The following KNL1 variants were observed in gnomAD, a reference collection of about 807,000 sequenced individuals.
KNL1 encodes the protein kinetochore scaffold 1.
In KNL1, 66 loss-of-function variants were observed where a neutral mutation model predicts 201.3. The observed-to-expected ratio is 0.33, with a 90% confidence interval of 0.27 to 0.40. The LOEUF (loss-of-function observed/expected upper bound fraction) is 0.40. Ranked by LOEUF, KNL1 falls within the 10% of genes least tolerant of loss-of-function variation. The probability of loss-of-function intolerance (pLI) is 1.00; values close to 1 mark genes in which losing one functional copy is unlikely to be tolerated. For missense variants in KNL1, 2,815 were observed against 2,690.5 expected, an observed-to-expected ratio of 1.05 and a Z score of -1.02; for synonymous variants, 895 against 899.2, an observed-to-expected ratio of 1.00 and a Z score of 0.08.
chr15:40,657,111 C>T lies in KNL1; in HGVS notation c.6554C>T (p.Ser2185Phe). 6.2e-7 allele frequency: 1 copy of T among 1,609,778 alleles called. No individual in the cohort carries two copies. The highest frequency in any genetic ancestry group is 8.5e-7 in the Non-Finnish European group (1 of 1,177,812). The stretch of plus-strand genomic sequence containing the variant: ...TTCCAGTACGTTGAAGAAAAGGAAT[C>T]CTGGAAGAAGACATGTACAACCCAG... ...LIFQYVEEKE[S>F]WKKTCTTQHQ... is the part of the protein sequence containing the mutation. Residue 2185 changes from serine (S) to phenylalanine (F), a missense_variant, in exon 23 of 26, where the codon TCC becomes TTC. This residue lies in a region of KNL1 where 334 missense variants were observed against 362.6 expected (regional missense o/e 0.92). Coordinates refer to ENST00000399668, the MANE Select transcript of KNL1 (RefSeq NM_144508.5).
At position 40,624,635 on chromosome 15, in the gene KNL1, G is replaced by A. The variant is rs1391918927; in HGVS notation, c.4371G>A (p.Gln1457=). 3 of 1,613,780 alleles carry A rather than the reference G, an allele frequency of 1.9e-6. No homozygotes were observed. Among genetic ancestry groups the A allele is most frequent in the Non-Finnish European group, 2.5e-6 (3 of 1,179,884 alleles). The change falls in exon 10 of 26, where the codon CAG becomes CAA. Residue 1457 remains glutamine, a synonymous_variant. Coordinates refer to ENST00000399668, the MANE Select transcript of KNL1 (RefSeq NM_144508.5). ...TDQPPLPKKG[Q]SSINKEEVIL... is the part of the protein sequence containing the mutation. Reference sequence around the variant, plus strand: ...AACCTCCATTACCTAAAAAAGGACAGAGTAGTATCAATAAAGAAGAAGTAA... The same window carrying A: ...AACCTCCATTACCTAAAAAAGGACAAAGTAGTATCAATAAAGAAGAAGTAA...
chr15:40,598,902 C>G (rs1891697136), intron 1 of KNL1, among the ~76,000 whole-genome samples: 1 of 151,990 alleles, frequency 6.6e-6, no homozygotes, highest in Admixed American at 6.6e-5. Flanking sequence ...CTTCCAGGCT[C>G]AAGCTATCCT....
In KNL1 at chr15:40,664,145, T is replaced by C. The variant is rs2141776108; in HGVS notation, c.*1957T>C. The C allele has an allele frequency of 5.4e-6, 1 of 183,512 alleles. No individual in the cohort carries two copies. The highest frequency in any genetic ancestry group is 2.0e-4 in the South Asian group (1 of 5,074). 11.4% of individuals were successfully genotyped at this position (183,512 alleles called of 1,614,324 possible). ...ATTTTAGTAACCTGCAACAACCAAC[T>C]CTAAAAAAGATTTGGCTTGTAATGA... On this transcript the variant is annotated 3_prime_UTR_variant, in exon 26 of 26. Coordinates refer to ENST00000399668, the MANE Select transcript of KNL1 (RefSeq NM_144508.5).
At chr15:40,660,630 A>C (rs1467182577) in intron 25 of KNL1, among the ~76,000 whole-genome samples, 6 of 135,518 alleles carry the variant, frequency 4.4e-5, no homozygotes, top group Admixed American at 3.4e-4. Flanking sequence ...GCACCACTGC[A>C]CTCCAGACTG....
rs777088535 is a variant in KNL1 at position 40,624,523 on chromosome 15, G to A, written c.4259G>A (p.Arg1420Gln). Residue 1420 changes from arginine to glutamine, a missense_variant, in exon 10 of 26, where the codon CGA becomes CAA. Physicochemically the swap from Arg to Gln is conservative, Grantham distance 43. This residue lies in a region of KNL1 where 2,464 missense variants were observed against 2,291.7 expected (regional missense o/e 1.08). Transcript: ENST00000399668. Reference sequence around the variant, plus strand: ...GAGATGACTAAACTTAATTCAAAGCGAGTATCTTTTAAGCTTCCAAAGGAT... The same window carrying A: ...GAGATGACTAAACTTAATTCAAAGCAAGTATCTTTTAAGCTTCCAAAGGAT... ...LGEMTKLNSK[R>Q]VSFKLPKDQM... The A allele has an allele frequency of 1.9e-6, 3 of 1,613,576 alleles. No individual in the cohort carries two copies. The highest frequency in any genetic ancestry group is 4.5e-5 in the East Asian group (2 of 44,880).
intron 24 of KNL1, 43 bp from the exon 25 acceptor site, chr15:40,659,296 T>C (rs768542791): frequency 1.3e-6 from 2 of 1,502,680 alleles, no homozygotes; most frequent in Non-Finnish European, 1.8e-6. Context: ...TGTTTCATGC[T>C]ATTATTTGTT....
intron 13 of KNL1, among the ~76,000 whole-genome samples, chr15:40,640,098 C>CTTTTTTTTTTTTTTTTTTTTT (rs544723388): frequency 8.0e-6 from 1 of 124,506 alleles, no homozygotes. Context: ...TTTTTCTTTT[C>CTTTTTTTTTTTTTTTTTTTTT]TTTTTTTTTT....
chr15:40,594,790 T>C lies in KNL1; in HGVS notation c.-18+398T>C, dbSNP rs547555787. 2.8e-3 allele frequency among the ~76,000 whole-genome samples: 420 copies of C among 152,362 alleles called. 2 individuals are homozygous for C. The highest frequency in any genetic ancestry group is 9.5e-3 in the African/African-American group (397 of 41,584). ...CTGTTTGTATTTCTCACTTAAGCTT[T>C]TTTTGGCTCTAAATGAAGTGACAGC... is the stretch of plus-strand genomic sequence containing the variant. On this transcript the variant is annotated intron_variant, in intron 1 of 25. Transcript: ENST00000399668.
intron 22 of KNL1, among the ~76,000 whole-genome samples, chr15:40,655,954 TGATTAATAGTAGC>T (rs1893718024): frequency 6.6e-6 from 1 of 151,656 alleles, no homozygotes; most frequent in Non-Finnish European, 1.5e-5. Context: ...TCTTGAGCAA[TGATTAATAGTAGC>T]TATTTTCATA....
rs74970544 is a variant in KNL1 at position 40,647,014 on chromosome 15, A to G, written c.6034A>G (p.Ile2012Val). The G allele has an allele frequency of 6.8e-4, 1,020 of 1,507,072 alleles. 5 individuals carry two copies. The African/African-American group carries it at 0.013, about 19-fold the overall frequency. The allele number at this position is 1,507,072 out of a possible 1,614,324, so 93.4% of individuals were successfully genotyped here. Residue 2012 changes from isoleucine (I) to valine (V), a missense_variant, in exon 17 of 26, where the codon ATA (isoleucine) becomes GTA (valine). Coordinates refer to ENST00000399668, the MANE Select transcript of KNL1 (RefSeq NM_144508.5). The part of the protein sequence containing the change: ...QNEREKLQIK[I>V]DEMDKILKKI... ...TGAGAGGGAGAAACTTCAAATAAAG[A>G]TAGATGAGATGGATAAAATACTTAA...
chr15:40,612,362 T>A (rs1247511854), intron 7 of KNL1, among the ~76,000 whole-genome samples: 1 of 148,834 alleles, frequency 6.7e-6, no homozygotes, highest in East Asian at 2.0e-4. Context: ...ATGGTGGCAC[T>A]GTGCCTGTAA....
chr15:40,597,510 A>C (rs917473003), intron 1 of KNL1, among the ~76,000 whole-genome samples: 1 of 152,146 alleles, frequency 6.6e-6, no homozygotes, highest in Non-Finnish European at 1.5e-5. Context: ...CCTGGCCTCA[A>C]GTGATCCACC....
chr15:40,662,431 C>T lies in KNL1; in HGVS notation c.*243C>T, dbSNP rs1893938588. 2.7e-6 allele frequency: 1 copy of T among 366,730 alleles called. No individual in the cohort carries two copies. The highest frequency in any genetic ancestry group is 2.1e-5 in the African/African-American group (1 of 48,114). The allele number at this position is 366,730 out of a possible 1,614,324, so 22.7% of individuals were successfully genotyped here. On this transcript the variant is annotated 3_prime_UTR_variant, in exon 26 of 26. Transcript: ENST00000399668. ...TGTACCAAAGGTTTAAGTAATAGGA[C>T]ACTTAGGAAAAATGTCTCCTAACTA...
At chr15:40,629,404 C>T (rs766587346) in intron 13 of KNL1, 33 bp downstream of exon 13, 1 of 1,222,792 alleles carries the variant, frequency 8.2e-7, no homozygotes, top group Admixed American at 2.5e-5. Context: ...ATGTTTGCAT[C>T]AAAGCAAACA....
In KNL1 at chr15:40,605,167, G is replaced by A. The variant is rs142090052; in HGVS notation, c.75+18G>A. 3.0e-5 allele frequency: 41 copies of A among 1,347,580 alleles called. No individual in the cohort carries two copies. The Middle Eastern group carries it at 5.4e-4, about 18-fold the overall frequency. The allele number at this position is 1,347,580 out of a possible 1,614,324, so 83.5% of individuals were successfully genotyped here. ...ATTCTTCAGTAAGAAAGACTTTCTT[G>A]AATTAATAATTGTCAGCTTTTATTT... On this transcript the variant is annotated intron_variant, in intron 3 of 25. Transcript: ENST00000399668.
At chr15:40,647,131 C>G in intron 17 of KNL1, 57 bp downstream of exon 17, 1 of 841,804 alleles carries the variant, frequency 1.2e-6, no homozygotes, top group Non-Finnish European at 2.0e-6. Context: ...AAATGCTCTC[C>G]TACAGTAGAG....
chr15:40,620,775 A>C lies in KNL1; in HGVS notation c.511A>C (p.Ser171Arg), dbSNP rs779789669. The change falls in exon 10 of 26, where the codon AGT (serine) becomes CGT (arginine). Residue 171 changes from serine to arginine, a missense_variant. Ser to Arg is a moderately radical substitution (Grantham distance 110). Around this residue, in one of 3 missense-constraint regions of KNL1, gnomAD observed 2,464 missense variants for 2,291.7 expected, o/e 1.08. Transcript: ENST00000399668. ...ITKGLLDNPISEKSTKIDTTS... is the reference protein window; with the variant it reads ...ITKGLLDNPIREKSTKIDTTS... ...CAAAGGCCTTTTAGATAATCCCATA[A>C]GTGAAAAGTCCACCAAGATAGATAC... 2 of 1,613,802 alleles carry C rather than the reference A, an allele frequency of 1.2e-6. No individual in the cohort carries two copies. Among genetic ancestry groups the C allele is most frequent in the South Asian group, 2.2e-5 (2 of 91,072 alleles).
rs1364872888 is a variant in KNL1 at position 40,657,042 on chromosome 15, A to G, written c.6485A>G (p.Glu2162Gly). Residue 2162 changes from glutamate to glycine, a missense_variant and splice_region_variant, in exon 23 of 26, where the codon GAG becomes GGG. Physicochemically the swap from Glu to Gly is moderately conservative, Grantham distance 98 (BLOSUM62 -2). Transcript: ENST00000399668. ...VDVNFQSLLD[E>G]DQAPPSSLLV... ...TTTGCTTTTTTTTTTCCTTCCCCAG[A>G]GGATCAAGCTCCTCCTTCCTCCCTT... The G allele has an allele frequency of 6.7e-7, 1 of 1,503,158 alleles. No homozygotes were observed. The highest frequency in any genetic ancestry group is 1.3e-5 in the South Asian group (1 of 79,012). The allele number at this position is 1,503,158 out of a possible 1,614,324, so 93.1% of individuals were successfully genotyped here.
At chr15:40,609,201 A>G (rs1403424719) in intron 5 of KNL1, among the ~76,000 whole-genome samples, 2 of 149,406 alleles carry the variant, frequency 1.3e-5, no homozygotes, top group Non-Finnish European at 3.0e-5. Context: ...TGAGGCCAAT[A>G]GTTCGAGACT....
Sources: allele counts gnomAD v4.1 joint callset (sites outside exome capture counted in the v4.1 genomes callset), GRCh38; gene constraint gnomAD v4.1.1; regional missense constraint gnomAD v4.1.1; transcripts MANE v1.5; gene names NCBI Gene and HGNC (gene_info 2026-07-23, HGNC 2026-07-21).